The following LIPA variants were observed in gnomAD, a reference collection of about 807,000 sequenced individuals.
The protein encoded by LIPA is lipase A, lysosomal acid type.
LIPA carries 26 observed loss-of-function variants against 40.6 expected under a neutral mutation model. The ratio of observed to expected loss-of-function variants is 0.64; its 90% CI spans 0.47 to 0.89. LIPA has a LOEUF of 0.89. Ranked by LOEUF, LIPA falls within the 40% of genes least tolerant of loss-of-function variation. The probability of loss-of-function intolerance (pLI) is 0.00; values close to 1 mark genes in which losing one functional copy is unlikely to be tolerated. For missense variants in LIPA, 455 were observed against 479.6 expected (o/e 0.95, Z 0.48); for synonymous variants, 188 against 168.4 (o/e 1.12, Z -0.90).
At chr10:89,320,744 G>A (rs907715139) in intron 1 of LIPA, among the ~76,000 whole-genome samples, 7 of 152,190 alleles carry the variant, frequency 4.6e-5, no homozygotes, top group African/African-American at 1.7e-4. Flanking sequence ...AACCAAAATA[G>A]AGCCTGCATT....
intron 5 of LIPA, 51 bp downstream of exon 5, chr10:89,226,844 A>G (rs757990064): frequency 3.7e-6 from 4 of 1,083,614 alleles, no homozygotes; most frequent in Non-Finnish European, 5.7e-6. Context: ...AAAAGTACAA[A>G]CTCTGTAATG....
At chr10:89,342,957 A>AATATTGC (rs1198026249), upstream of LIPA, among the ~76,000 whole-genome samples, 4 of 152,322 alleles carry the variant, frequency 2.6e-5, no homozygotes, top group African/African-American at 9.6e-5. Context: ...CTGCCATGGG[A>AATATTGC]AGTCTACTGA....
At chr10:89,390,662 C>T (rs557586459) in intron 2 of LIPA, among the ~76,000 whole-genome samples, 3 of 150,748 alleles carry the variant, frequency 2.0e-5, no homozygotes, top group Non-Finnish European at 4.4e-5. Flanking sequence ...GCTGTTCTAT[C>T]CTGTGTCCCT....
At chr10:89,324,963 G>T (rs78319414) in intron 1 of LIPA, among the ~76,000 whole-genome samples, 1 of 151,938 alleles carries the variant, frequency 6.6e-6, no homozygotes, top group Non-Finnish European at 1.5e-5. Context: ...AAATAGTGCC[G>T]CAATAAACAT....
intron 1 of LIPA, among the ~76,000 whole-genome samples, chr10:89,274,225 A>G (rs577857271): frequency 2.0e-5 from 3 of 152,332 alleles, no homozygotes; most frequent in African/African-American, 7.2e-5. Context: ...TTAATTAAGT[A>G]ATAATAAAGG....
intron 8 of LIPA, among the ~76,000 whole-genome samples, chr10:89,219,360 G>T (rs558407319): frequency 1.1e-4 from 17 of 152,246 alleles, no homozygotes; most frequent in Admixed American, 2.0e-4. Flanking sequence ...CTTCAAACAG[G>T]TGAGAGTACC....
intron 1 of LIPA, chr10:89,339,800 G>C (rs1468320625): frequency 1.9e-6 from 3 of 1,614,172 alleles, no homozygotes; most frequent in Non-Finnish European, 1.7e-6. Flanking sequence ...GTGCAACATG[G>C]TTTAGAGGGT....
At chr10:89,363,811 G>A (rs1008289640) in intron 2 of LIPA, among the ~76,000 whole-genome samples, 4 of 150,834 alleles carry the variant, frequency 2.7e-5, no homozygotes, top group Non-Finnish European at 5.9e-5. Context: ...GGGCGGGTGT[G>A]GCTAAATATA....
chr10:89,338,544 T>C (rs768439713), intron 1 of LIPA: 39 of 958,552 alleles, frequency 4.1e-5, no homozygotes, highest in Middle Eastern at 6.1e-4. Context: ...AGAAATAATG[T>C]TGGACCAAAT....
intron 2 of LIPA, among the ~76,000 whole-genome samples, chr10:89,389,772 C>A (rs186835067): frequency 3.9e-5 from 6 of 152,200 alleles, no homozygotes; most frequent in Non-Finnish European, 5.9e-5. Flanking sequence ...GAATTCATTA[C>A]CCATTGTGTA....
intron 3 of LIPA, among the ~76,000 whole-genome samples, chr10:89,244,552 A>G (rs1315474751): frequency 6.6e-6 from 1 of 152,184 alleles, no homozygotes; most frequent in Admixed American, 6.5e-5. Context: ...ATTGCATTCC[A>G]GCCTGGGCAA....
chr10:89,298,224 C>T (rs2133514594), intron 1 of LIPA, among the ~76,000 whole-genome samples: 1 of 152,334 alleles, frequency 6.6e-6, no homozygotes, highest in East Asian at 1.9e-4. Context: ...AATTAGCCTA[C>T]CTGGTCCCAC....
At chr10:89,377,076 T>C (rs1844127106) in intron 2 of LIPA, among the ~76,000 whole-genome samples, 1 of 152,220 alleles carries the variant, frequency 6.6e-6, no homozygotes, top group Non-Finnish European at 1.5e-5. Context: ...AGGATGACAT[T>C]GTAACAATTC....
At chr10:89,367,823 A>AT (rs201475302) in intron 2 of LIPA, among the ~76,000 whole-genome samples, 2,887 of 149,700 alleles carry the variant, frequency 0.019, 43 homozygotes, top group African/African-American at 0.044. Flanking sequence ...AACAGAAACT[A>AT]TTTTTTTTTT....
chr10:89,378,191 C>G lies in LIPA; in HGVS notation c.61+34600G>C. ...CCTTATTTCTGCACACTTTGAAATTCTAAAACTTTCCTTAAGGGCCAATTT... is the reference window on the plus strand; with the variant it reads ...CCTTATTTCTGCACACTTTGAAATTGTAAAACTTTCCTTAAGGGCCAATTT... On this transcript the variant is annotated intron_variant, in intron 2 of 8. Transcript: ENST00000371837. 4 of 1,607,166 alleles carry G rather than the reference C, an allele frequency of 2.5e-6. No individual in the cohort carries two copies. The South Asian group carries it at 3.3e-5, about 13-fold the overall frequency.
chr10:89,268,677 G>A (rs2133491178), intron 1 of LIPA, among the ~76,000 whole-genome samples: 1 of 152,108 alleles, frequency 6.6e-6, no homozygotes, highest in African/African-American at 2.4e-5. Context: ...TTGTCATCTG[G>A]AGTTACAATG....
chr10:89,233,987 C>A (rs891176772), intron 3 of LIPA, among the ~76,000 whole-genome samples: 4 of 152,200 alleles, frequency 2.6e-5, no homozygotes, highest in African/African-American at 9.6e-5. Context: ...GGAGCTCCAT[C>A]CTCGAGGGAG....
intron 1 of LIPA, among the ~76,000 whole-genome samples, chr10:89,295,659 G>A (rs1364202213): frequency 1.3e-5 from 2 of 152,138 alleles, no homozygotes; most frequent in African/African-American, 4.8e-5. Context: ...CCCATTCCAG[G>A]AACAGGAAGC....
chr10:89,301,047 C>T (rs878898055), intron 1 of LIPA, among the ~76,000 whole-genome samples: 4 of 152,174 alleles, frequency 2.6e-5, no homozygotes, highest in Admixed American at 2.6e-4. Flanking sequence ...TACTGCCAGG[C>T]ATTATTCTAA....
Sources: gnomAD v4.1 joint callset for allele counts (sites outside exome capture counted in the v4.1 genomes callset) on GRCh38, gnomAD v4.1.1 for gene constraint, MANE v1.5 for transcripts, NCBI Gene and HGNC (gene_info 2026-07-23, HGNC 2026-07-21) for gene names.